BACH2: variants seen among roughly 807,000 people sequenced by gnomAD.
BACH2 encodes transcription regulator protein BACH2.
BACH2 carries 5 observed loss-of-function variants against 61.8 expected under a neutral mutation model. The ratio of observed to expected loss-of-function variants is 0.08; its 90% CI spans 0.04 to 0.17. The LOEUF is 0.17. Among genes scored for constraint, BACH2 ranks in the 10% least tolerant of loss-of-function variants. BACH2 has a pLI of 1.00. For synonymous variants in BACH2, 446 were observed against 440.1 expected (o/e 1.01, Z -0.17); for missense variants, 824 against 1,091.1 (o/e 0.76, Z 3.45).
At chr6:90,276,743 C>A (rs748625505) in intron 1 of BACH2, among the ~76,000 whole-genome samples, 5 of 152,128 alleles carry the variant, frequency 3.3e-5, no homozygotes, top group Non-Finnish European at 7.3e-5. Flanking sequence ...TAAATACACT[C>A]CCCAGTTATT....
At chr6:89,995,794 A>T (rs899720580) in intron 6 of BACH2, among the ~76,000 whole-genome samples, 3 of 152,150 alleles carry the variant, frequency 2.0e-5, no homozygotes, top group Non-Finnish European at 4.4e-5. Context: ...GCACTCACCT[A>T]TGCTAAGTAA....
At chr6:90,113,923 G>C (rs1202606666) in intron 4 of BACH2, among the ~76,000 whole-genome samples, 1 of 151,942 alleles carries the variant, frequency 6.6e-6, no homozygotes, top group Non-Finnish European at 1.5e-5. Flanking sequence ...ACCTAGACAA[G>C]ATGGATAAAT....
At chr6:90,171,033 A>C (rs552462706) in intron 4 of BACH2, among the ~76,000 whole-genome samples, 8 of 152,264 alleles carry the variant, frequency 5.3e-5, no homozygotes, top group African/African-American at 1.9e-4. Context: ...TAAATTAAAA[A>C]AAAAAAAAAT....
intron 7 of BACH2, among the ~76,000 whole-genome samples, chr6:89,948,599 C>T (rs144299208): frequency 1.3e-5 from 2 of 152,300 alleles, no homozygotes; most frequent in East Asian, 1.9e-4. Flanking sequence ...AGCCATGATG[C>T]GGATGAGGTG....
chr6:90,007,056 G>C (rs1777445173), intron 6 of BACH2, among the ~76,000 whole-genome samples: 1 of 151,854 alleles, frequency 6.6e-6, no homozygotes, highest in Non-Finnish European at 1.5e-5. Context: ...AACACAAATA[G>C]TGTTTTAAAA....
intron 3 of BACH2, among the ~76,000 whole-genome samples, chr6:90,237,395 C>A (rs1770295756): frequency 6.6e-6 from 1 of 152,196 alleles, no homozygotes; most frequent in Non-Finnish European, 1.5e-5. Context: ...AATGAAAGTT[C>A]CAGGTTGTCA....
intron 5 of BACH2, among the ~76,000 whole-genome samples, chr6:90,081,248 T>C (rs1781709921): frequency 6.6e-6 from 1 of 152,110 alleles, no homozygotes; most frequent in East Asian, 1.9e-4. Flanking sequence ...TGAGGGACAG[T>C]CTCAGGCTTA....
intron 6 of BACH2, among the ~76,000 whole-genome samples, chr6:89,987,549 A>G (rs1019332695): frequency 1.2e-4 from 18 of 152,182 alleles, no homozygotes; most frequent in African/African-American, 4.3e-4. Context: ...TAAAGATGAG[A>G]TTAGATTTGT....
chr6:90,092,988 C>T, intron 4 of BACH2, among the ~76,000 whole-genome samples: 1 of 152,122 alleles, frequency 6.6e-6, no homozygotes. Flanking sequence ...GGCGCAGAGT[C>T]CTTGAGCAGC....
Position 89,951,787 on chromosome 6 carries a change from G to A in BACH2, c.319C>T (p.Arg107Cys), listed in dbSNP as rs531266975. 1.4e-5 allele frequency: 22 copies of A among 1,614,112 alleles called. No homozygotes were observed. The highest frequency in any genetic ancestry group is 2.2e-5 in the East Asian group (1 of 44,894). ...AACTCAGCACAGCGGATGACCTCGC[G>A]GATGTTTTCTCTGCTGAGTAACAGC... ...AKLLLSRENI[R>C]EVIRCAEFLR... The change falls in exon 7 of 9, where the codon CGC becomes TGC. Residue 107 changes from arginine (R) to cysteine (C), a missense_variant. By Grantham distance (180) the Arg-to-Cys change is radical. This residue lies in a region of BACH2 where 66 missense variants were observed against 144.8 expected (regional missense o/e 0.46). Transcript: ENST00000257749. This position sits in a 1 kb window ranked among gnomAD's most constrained non-coding sequence, Gnocchi z 6.4.
chr6:89,994,759 C>A (rs945723747), intron 6 of BACH2, among the ~76,000 whole-genome samples: 3 of 152,144 alleles, frequency 2.0e-5, no homozygotes, highest in African/African-American at 7.2e-5. Flanking sequence ...ATCCACCTAC[C>A]CATTCAAATA....
Position 89,987,647 on chromosome 6 carries a change from A to G in BACH2, c.243+20955T>C, listed in dbSNP as rs144402637. 3.4e-3 allele frequency among the ~76,000 whole-genome samples: 511 copies of G among 152,252 alleles called. 5 individuals are homozygous for G. Among genetic ancestry groups the G allele is most frequent in the Middle Eastern group, 0.01 (3 of 294 alleles). On this transcript the variant is annotated intron_variant, in intron 6 of 8. Transcript: ENST00000257749. Reference sequence around the variant, plus strand: ...TGCCACAAATAAGGAAGAACTTGCTAGTAGTCACGGTTGTATAAAATGGAG... The same window carrying G: ...TGCCACAAATAAGGAAGAACTTGCTGGTAGTCACGGTTGTATAAAATGGAG...
In BACH2 at chr6:90,172,337, A is replaced by G. The variant is rs187909147; in HGVS notation, c.-162+34232T>C. On this transcript the variant is annotated intron_variant, in intron 4 of 8. Transcript: ENST00000257749. ...AAAAAAAAAAAAGACATTATACATA[A>G]CATACAGAAGGAAAATATAAAAGAA... Among the ~76,000 whole-genome samples, 1,030 of 151,866 alleles carry G rather than the reference A, an allele frequency of 6.8e-3. 16 individuals are homozygous for G. The highest frequency in any genetic ancestry group is 0.023 in the African/African-American group (966 of 41,388).
chr6:90,019,150 C>T (rs1010717490), intron 5 of BACH2, among the ~76,000 whole-genome samples: 1 of 152,088 alleles, frequency 6.6e-6, no homozygotes, highest in Non-Finnish European at 1.5e-5. Flanking sequence ...TAAGGAAACA[C>T]TCAAAACTTG....
Position 89,950,524 on chromosome 6 carries a change from A to G in BACH2, c.1582T>C (p.Tyr528His). 1 of 1,612,746 alleles carries G rather than the reference A, an allele frequency of 6.2e-7. No homozygotes were observed. The change falls in exon 7 of 9, where the codon TAC (tyrosine) becomes CAC (histidine). Residue 528 changes from tyrosine (Y) to histidine (H), a missense_variant. This residue lies in a region of BACH2 where 160 missense variants were observed against 283.5 expected (regional missense o/e 0.56). Transcript: ENST00000257749. This position sits in a 1 kb window ranked among gnomAD's most constrained non-coding sequence, Gnocchi z 5.3. ...GAGCCCCCGCTCCCGTCCTCCGCGT[A>G]GGAATAGGAAGAGCAGGAGCTGGAA... The part of the protein sequence containing the change: ...RTSSSCSSYS[Y>H]AEDGSGGSPC...
At chr6:89,934,277 A>G (rs1285055734) in intron 8 of BACH2, among the ~76,000 whole-genome samples, 1 of 152,154 alleles carries the variant, frequency 6.6e-6, no homozygotes, top group African/African-American at 2.4e-5. Context: ...AATCCTACAC[A>G]TGCTCCTGTG....
chr6:90,124,732 T>A (rs963161105), intron 4 of BACH2, among the ~76,000 whole-genome samples: 1 of 152,238 alleles, frequency 6.6e-6, no homozygotes, highest in Non-Finnish European at 1.5e-5. Context: ...AATGCTCACC[T>A]AAAAATCCTT....
chr6:89,926,844 A>G lies in BACH2; in HGVS notation c.*5564T>C, dbSNP rs755675627. On this transcript the variant is annotated 3_prime_UTR_variant, in exon 9 of 9. Transcript: ENST00000257749. ...CTAGTACAATAAAATGATGCATTGA[A>G]TTAAATTACATTAATCGCATAGAAT... The G allele has an allele frequency of 2.6e-5, 4 of 152,830 alleles. No homozygotes were observed. Among genetic ancestry groups the G allele is most frequent in the Non-Finnish European group, 5.9e-5 (4 of 68,050 alleles). 9.5% of individuals were successfully genotyped at this position (152,830 alleles called of 1,614,324 possible).
intron 4 of BACH2, among the ~76,000 whole-genome samples, chr6:90,102,824 TAATAATAATAATAATAAA>T (rs1381168179): frequency 7.2e-6 from 1 of 138,464 alleles, no homozygotes; most frequent in Non-Finnish European, 1.6e-5. Context: ...ATAATAATAA[TAATAATAATAATAATAAA>T]AATAAAAGGA....
Sources: allele counts gnomAD v4.1 joint callset (sites outside exome capture counted in the v4.1 genomes callset), GRCh38; gene constraint gnomAD v4.1.1; regional missense constraint gnomAD v4.1.1; non-coding constraint Gnocchi (gnomAD v3.1); transcripts MANE v1.5; gene names NCBI Gene and HGNC (gene_info 2026-07-23, HGNC 2026-07-21).